Variants in GRID2 observed in about 807,000 individuals in gnomAD.
The protein encoded by GRID2 is glutamate ionotropic receptor delta type subunit 2, also known as glutamate receptor ionotropic, delta-2.
In GRID2, 33 loss-of-function variants were observed where a neutral mutation model predicts 114.8. The ratio of observed to expected loss-of-function variants is 0.29; its 90% CI spans 0.22 to 0.38. The LOEUF (loss-of-function observed/expected upper bound fraction) is 0.38, where lower values mean the gene tolerates loss of function less well. GRID2 is among the 10% of genes least tolerant of loss of function. The pLI is 1.00. For missense variants in GRID2, 1,184 were observed against 1,257.7 expected (o/e 0.94, Z 0.89); for synonymous variants, 505 against 449.9 (o/e 1.12, Z -1.55).
At chr4:93,758,863 T>A (rs181653523) in intron 14 of GRID2, among the ~76,000 whole-genome samples, 8 of 152,272 alleles carry the variant, frequency 5.3e-5, no homozygotes, top group Admixed American at 1.3e-4. Context: ...CACTGCAGAA[T>A]GAAATATTTT....
chr4:92,394,971 T>C (rs1730423161), intron 1 of GRID2, among the ~76,000 whole-genome samples: 1 of 151,548 alleles, frequency 6.6e-6, no homozygotes, highest in South Asian at 2.1e-4. Context: ...ACAGTGATAA[T>C]AAAAAGGAAT....
chr4:92,791,432 A>T (rs987071054), intron 2 of GRID2, among the ~76,000 whole-genome samples: 1 of 151,874 alleles, frequency 6.6e-6, no homozygotes, highest in African/African-American at 2.4e-5. Flanking sequence ...ACATAAAAAT[A>T]AATGTCAGAT....
At chr4:93,096,747 G>A (rs936253284) in intron 3 of GRID2, among the ~76,000 whole-genome samples, 3 of 151,910 alleles carry the variant, frequency 2.0e-5, no homozygotes, top group Non-Finnish European at 2.9e-5. Context: ...CAGCCACTTA[G>A]GAGAGCTGTT....
At chr4:93,145,573 C>T (rs1388529034) in intron 4 of GRID2, among the ~76,000 whole-genome samples, 1 of 149,696 alleles carries the variant, frequency 6.7e-6, no homozygotes, top group African/African-American at 2.5e-5. Context: ...GTTCTCCAGC[C>T]TCAGCCTCCT....
At chr4:92,804,114 T>A (rs1740299369) in intron 2 of GRID2, among the ~76,000 whole-genome samples, 2 of 152,010 alleles carry the variant, frequency 1.3e-5, no homozygotes, top group South Asian at 4.1e-4. Flanking sequence ...TCATTCTTCA[T>A]ATAAGGACAC....
chr4:92,941,355 T>C (rs1197945237), intron 2 of GRID2, among the ~76,000 whole-genome samples: 3 of 152,234 alleles, frequency 2.0e-5, no homozygotes, highest in Non-Finnish European at 4.4e-5. Context: ...TTTATTTGCA[T>C]AGAGGTGTTT....
chr4:93,796,583 G>A (rs1474437030), intron 1 of GRID2, among the ~76,000 whole-genome samples: 10 of 152,194 alleles, frequency 6.6e-5, no homozygotes, highest in South Asian at 2.1e-4. Context: ...TTGCTCTGTC[G>A]CCCAGGCTAG....
chr4:92,718,458 T>A (rs1694788948), intron 2 of GRID2, among the ~76,000 whole-genome samples: 1 of 152,036 alleles, frequency 6.6e-6, no homozygotes, highest in African/African-American at 2.4e-5. Context: ...ATTTATTATA[T>A]AAAAGTATAT....
intron 10 of GRID2, among the ~76,000 whole-genome samples, chr4:93,433,286 G>A (rs894757015): frequency 1.3e-5 from 2 of 152,162 alleles, no homozygotes; most frequent in Non-Finnish European, 2.9e-5. Flanking sequence ...CAGTTTTTGT[G>A]TGAAGAGAAA....
At chr4:92,976,677 C>T (rs886911920) in intron 2 of GRID2, among the ~76,000 whole-genome samples, 1 of 151,958 alleles carries the variant, frequency 6.6e-6, no homozygotes, top group African/African-American at 2.4e-5. Flanking sequence ...GAAAAATCTG[C>T]CATTTGGTAT....
At chr4:93,471,500 G>A (rs12506825) in intron 11 of GRID2, among the ~76,000 whole-genome samples, 5 of 151,772 alleles carry the variant, frequency 3.3e-5, no homozygotes, top group Non-Finnish European at 5.9e-5. Context: ...GATCCTAACC[G>A]GATGATCTAG....
chr4:93,195,870 GA>G (rs1231081923), intron 4 of GRID2, among the ~76,000 whole-genome samples: 1 of 152,112 alleles, frequency 6.6e-6, no homozygotes, highest in Non-Finnish European at 1.5e-5. Context: ...AAATTTTTAA[GA>G]AAGGTTATGA....
chr4:92,443,293 C>T (rs1298676137), intron 1 of GRID2, among the ~76,000 whole-genome samples: 1 of 152,124 alleles, frequency 6.6e-6, no homozygotes, highest in East Asian at 1.9e-4. Context: ...TTTGGAACTA[C>T]TGTGGAGTTT....
At chr4:92,694,115 G>A (rs966378809) in intron 2 of GRID2, among the ~76,000 whole-genome samples, 5 of 152,176 alleles carry the variant, frequency 3.3e-5, no homozygotes, top group Non-Finnish European at 7.3e-5. Flanking sequence ...AACTCGAAAA[G>A]TGTAAAATGC....
In GRID2 at chr4:93,706,128, T is replaced by A. The variant is rs541956889; in HGVS notation, c.2361-63082T>A. Among the ~76,000 whole-genome samples, 7 of 152,326 alleles carry A rather than the reference T, an allele frequency of 4.6e-5. No individual in the cohort carries two copies. In the South Asian group the frequency reaches 1.0e-3, roughly 23 times the overall value. On this transcript the variant is annotated intron_variant, in intron 14 of 15. Coordinates refer to ENST00000282020, the MANE Select transcript of GRID2 (RefSeq NM_001510.4). ...TCAGTTAATGAGATTTCTCTAGTTT[T>A]GTTCATTTTGCACCAGATGACTTTA... is the stretch of plus-strand genomic sequence containing the variant.
At chr4:93,618,587 C>T (rs1741922838) in intron 13 of GRID2, among the ~76,000 whole-genome samples, 1 of 152,180 alleles carries the variant, frequency 6.6e-6, no homozygotes, top group African/African-American at 2.4e-5. Context: ...CTCTGTCCAT[C>T]CATTCAACTC....
chr4:92,995,854 C>T (rs1256098726), intron 2 of GRID2, among the ~76,000 whole-genome samples: 1 of 152,074 alleles, frequency 6.6e-6, no homozygotes, highest in Non-Finnish European at 1.5e-5. Flanking sequence ...AAGCATTTCT[C>T]CTATCTTTTT....
chr4:93,233,532 A>G (rs767462041), intron 7 of GRID2, among the ~76,000 whole-genome samples: 9 of 151,516 alleles, frequency 5.9e-5, no homozygotes, highest in Non-Finnish European at 1.0e-4. Context: ...TAGTAGAGAC[A>G]GGGTTTCACC....
At chr4:93,483,711 A>ATC (rs1726093836) in intron 11 of GRID2, among the ~76,000 whole-genome samples, 3 of 151,966 alleles carry the variant, frequency 2.0e-5, no homozygotes, top group Non-Finnish European at 2.9e-5. Flanking sequence ...TCATGTGGTA[A>ATC]AACAATCACA....
Sources: gnomAD v4.1 joint callset for allele counts (sites outside exome capture counted in the v4.1 genomes callset) on GRCh38, gnomAD v4.1.1 for gene constraint, MANE v1.5 for transcripts, NCBI Gene and HGNC (gene_info 2026-07-23, HGNC 2026-07-21) for gene names.